The following XRCC2 variants were observed in gnomAD, a reference collection of about 807,000 sequenced individuals.
XRCC2 encodes X-ray repair cross complementing 2.
A neutral mutation model predicts 27.3 loss-of-function variants in XRCC2; 24 were observed. The observed-to-expected ratio is 0.88, with a 90% CI of 0.64 to 1.24. XRCC2 has a LOEUF of 1.24. Ranked by LOEUF, XRCC2 falls within the 50% of genes most tolerant of loss-of-function variation. The probability of loss-of-function intolerance (pLI) is 0.00; values close to 1 mark genes in which losing one functional copy is unlikely to be tolerated. For synonymous variants in XRCC2, 106 were observed against 115.4 expected (o/e 0.92, Z 0.52); for missense variants, 321 against 325.8 (o/e 0.99, Z 0.11).
At position 152,664,831 on chromosome 7, in the gene XRCC2, T is replaced by C. The variant is rs540644246; in HGVS notation, c.40-4049A>G. Among the ~76,000 whole-genome samples, 5 of 151,908 alleles carry C rather than the reference T, an allele frequency of 3.3e-5. No homozygotes were observed. In the South Asian group the frequency reaches 8.3e-4, roughly 25 times the overall value. ...GCAGCTGGCACCAGGGAGGGGAAAATTTCCTAACAGGAAACATCTTGGGCT... is the reference window on the plus strand; with the variant it reads ...GCAGCTGGCACCAGGGAGGGGAAAACTTCCTAACAGGAAACATCTTGGGCT... On this transcript the variant is annotated intron_variant, in intron 1 of 2. Transcript: ENST00000359321.
intron 2 of XRCC2, among the ~76,000 whole-genome samples, chr7:152,649,945 AC>A (rs1306096700): frequency 1.3e-5 from 2 of 151,978 alleles, no homozygotes; most frequent in Non-Finnish European, 2.9e-5. Context: ...GATGAAACCC[AC>A]CCTTAGGATG....
chr7:152,645,202 T>G lies in XRCC2; in HGVS notation c.*3440A>C, dbSNP rs1284351746. ...AAGGTCTTGCATATTTTTATTAGAT[T>G]TATTTCTAGAAACTTTATATTTTTA... On this transcript the variant is annotated 3_prime_UTR_variant, in exon 3 of 3. Transcript: ENST00000359321. 2.2e-5 allele frequency: 3 copies of G among 134,418 alleles called. No individual in the cohort carries two copies. Among genetic ancestry groups the G allele is most frequent in the Non-Finnish European group, 4.8e-5 (3 of 61,932 alleles). 8.3% of individuals were successfully genotyped at this position (134,418 alleles called of 1,614,324 possible). A position where few individuals can be genotyped will look rare whatever the true frequency, so the allele number is the denominator to read the frequency against.
In XRCC2 at chr7:152,648,643, C is replaced by T. The variant is rs757510359; in HGVS notation, c.842G>A (p.Ter281=). ...CAAAAGACTATTTTATGATGTATAT[C>T]AACAAAATTCAACCCCACTTTCTCC... The part of the protein sequence containing the change: ...IIGESGVEFC[*] Residue 281 remains the stop codon, a stop_retained_variant, in exon 3 of 3, where the codon TGA becomes TAA. Coordinates refer to ENST00000359321, the MANE Select transcript of XRCC2 (RefSeq NM_005431.2). The T allele has an allele frequency of 8.2e-6, 13 of 1,591,586 alleles. No homozygotes were observed. The highest frequency in any genetic ancestry group is 1.8e-4 in the Middle Eastern group (1 of 5,434).
chr7:152,673,090 T>G (rs3218398), intron 1 of XRCC2, among the ~76,000 whole-genome samples: 7,634 of 152,246 alleles, frequency 0.05, 628 homozygotes, highest in African/African-American at 0.17. Context: ...TAAACTGTAG[T>G]CAAATGCTTG....
At chr7:152,672,436 T>C (rs1400594627) in intron 1 of XRCC2, among the ~76,000 whole-genome samples, 2 of 152,250 alleles carry the variant, frequency 1.3e-5, no homozygotes. Flanking sequence ...TTACATTTAC[T>C]ATGCAGACAC....
rs2116987965 is a variant in XRCC2 at position 152,649,110 on chromosome 7, G to C, written c.375C>G (p.His125Gln). Residue 125 changes from histidine to glutamine, a missense_variant, in exon 3 of 3, where the codon CAC becomes CAG. Coordinates refer to ENST00000359321, the MANE Select transcript of XRCC2 (RefSeq NM_005431.2). ...FFLVYCSSST[H>Q]LLLTLYSLES... is the part of the protein sequence containing the mutation. ...CTAGTGAGTAAAGTGTAAGAAGTAA[G>C]TGGGTGCTACTACTGCAGTACACCA... 1.2e-6 allele frequency: 2 copies of C among 1,614,136 alleles called. No homozygotes were observed. Among genetic ancestry groups the C allele is most frequent in the Non-Finnish European group, 1.7e-6 (2 of 1,180,034 alleles).
chr7:152,645,308 A>G lies in XRCC2; in HGVS notation c.*3334T>C, dbSNP rs1206745737. 1 of 152,034 alleles carries G rather than the reference A, an allele frequency of 6.6e-6. No individual in the cohort carries two copies. Among genetic ancestry groups the G allele is most frequent in the Non-Finnish European group, 1.5e-5 (1 of 68,012 alleles). 9.4% of individuals were successfully genotyped at this position (152,034 alleles called of 1,614,324 possible). On this transcript the variant is annotated 3_prime_UTR_variant, in exon 3 of 3. Transcript: ENST00000359321. ...TTTTATAGAGACAGGGTCTTACACT[A>G]TGTTGCCCAGGCTGGTCTTGAACTC...
In XRCC2 at chr7:152,674,481, G is replaced by A. The variant is rs553897537; in HGVS notation, c.39+1560C>T. ...ACAAAAGTTAGCTGGGTGTGGTGGC[G>A]TGTGCCTGTAATCCCAGCTACTTGG... is the stretch of plus-strand genomic sequence containing the variant. On this transcript the variant is annotated intron_variant, in intron 1 of 2. Coordinates refer to ENST00000359321, the MANE Select transcript of XRCC2 (RefSeq NM_005431.2). Among the ~76,000 whole-genome samples, 370 of 151,552 alleles carry A rather than the reference G, an allele frequency of 2.4e-3. 2 individuals are homozygous for A. The highest frequency in any genetic ancestry group is 4.1e-3 in the Non-Finnish European group (277 of 67,902).
intron 1 of XRCC2, among the ~76,000 whole-genome samples, chr7:152,670,722 C>T (rs1411648995): frequency 2.0e-5 from 3 of 152,080 alleles, no homozygotes; most frequent in Non-Finnish European, 4.4e-5. Flanking sequence ...GCCTCAGCCT[C>T]CTGAGTTGCT....
intron 1 of XRCC2, among the ~76,000 whole-genome samples, chr7:152,666,620 ATT>A (rs35465219): frequency 7.0e-5 from 10 of 142,190 alleles, no homozygotes; most frequent in Admixed American, 1.4e-4. Flanking sequence ...CAGATTCTTT[ATT>A]TTTTTTTTTT....
chr7:152,656,046 C>T (rs894280157), intron 2 of XRCC2, among the ~76,000 whole-genome samples: 1 of 152,026 alleles, frequency 6.6e-6, no homozygotes, highest in Non-Finnish European at 1.5e-5. Context: ...AGGGGAACAA[C>T]AGACACCGGG....
intron 1 of XRCC2, among the ~76,000 whole-genome samples, chr7:152,671,002 G>A (rs924710776): frequency 3.3e-5 from 5 of 152,142 alleles, no homozygotes; most frequent in Non-Finnish European, 7.4e-5. Flanking sequence ...ATCACCTGAG[G>A]TCAGGAGTTC....
rs1226126805 is a variant in XRCC2, at chr7:152,648,482, A to T, written c.*160T>A. The T allele has an allele frequency of 2.9e-6, 2 of 685,254 alleles. No homozygotes were observed. The highest frequency in any genetic ancestry group is 4.6e-6 in the Non-Finnish European group (2 of 435,990). The allele number at this position is 685,254 out of a possible 1,614,324, so 42.4% of individuals were successfully genotyped here. A position where few individuals can be genotyped will look rare whatever the true frequency, so the allele number is the denominator to read the frequency against. ...ACGCCTGTAATCCCTGCACTCTAGGAGGCACACATAGGAGGATCCCTTGAG... is the reference window on the plus strand; with the variant it reads ...ACGCCTGTAATCCCTGCACTCTAGGTGGCACACATAGGAGGATCCCTTGAG... On this transcript the variant is annotated 3_prime_UTR_variant, in exon 3 of 3. Transcript: ENST00000359321.
intron 1 of XRCC2, among the ~76,000 whole-genome samples, chr7:152,663,505 T>C (rs947327114): frequency 1.3e-5 from 2 of 152,184 alleles, no homozygotes; most frequent in African/African-American, 2.4e-5. Flanking sequence ...CCTTGGCTCC[T>C]GAGAGGTAAT....
At chr7:152,656,702 A>C (rs2098030831) in intron 2 of XRCC2, among the ~76,000 whole-genome samples, 2 of 152,212 alleles carry the variant, frequency 1.3e-5, no homozygotes. Context: ...ACATATTGTC[A>C]GTTTCATAAG....
At chr7:152,654,357 A>C (rs1214926260) in intron 2 of XRCC2, among the ~76,000 whole-genome samples, 1 of 152,184 alleles carries the variant, frequency 6.6e-6, no homozygotes, top group African/African-American at 2.4e-5. Flanking sequence ...AATTTTTGAG[A>C]TATATCCACA....
intron 1 of XRCC2, among the ~76,000 whole-genome samples, chr7:152,667,467 G>A (rs1463397091): frequency 6.7e-6 from 1 of 150,140 alleles, no homozygotes; most frequent in Non-Finnish European, 1.5e-5. Context: ...ACTCTTTTGG[G>A]CGAAGATGGT....
intron 1 of XRCC2, among the ~76,000 whole-genome samples, chr7:152,663,716 G>T (rs1228457925): frequency 6.6e-6 from 1 of 152,124 alleles, no homozygotes; most frequent in Non-Finnish European, 1.5e-5. Flanking sequence ...GCATACACCT[G>T]TAGTCCCAGC....
intron 1 of XRCC2, among the ~76,000 whole-genome samples, chr7:152,670,980 C>T (rs1043218087): frequency 1.3e-5 from 2 of 152,238 alleles, no homozygotes; most frequent in African/African-American, 2.4e-5. Flanking sequence ...TTTGGGTGGC[C>T]AAGGCGGGCA....
Sources: allele counts gnomAD v4.1 joint callset (sites outside exome capture counted in the v4.1 genomes callset), GRCh38; gene constraint gnomAD v4.1.1; transcripts MANE v1.5; gene names NCBI Gene and HGNC (gene_info 2026-07-23, HGNC 2026-07-21).